The following JARID2 variants were observed in gnomAD, a reference collection of about 807,000 sequenced individuals.
JARID2 encodes the protein jumonji and AT-rich interaction domain containing 2, also known as protein Jumonji.
JARID2 carries 21 observed loss-of-function variants against 125.6 expected under a neutral mutation model. That is an observed-to-expected ratio of 0.17 (90% confidence interval 0.12 to 0.24). JARID2 has a LOEUF of 0.24. Ranked by LOEUF, JARID2 falls within the 10% of genes least tolerant of loss-of-function variation. The pLI is 1.00. For missense variants in JARID2, 1,303 were observed against 1,639.6 expected (o/e 0.79, Z 3.55); for synonymous variants, 736 against 661.6 (o/e 1.11, Z -1.73).
chr6:15,391,546 G>A (rs1226145730), intron 2 of JARID2, among the ~76,000 whole-genome samples: 5 of 152,152 alleles, frequency 3.3e-5, no homozygotes, highest in African/African-American at 1.2e-4. Flanking sequence ...AAATTCTTAA[G>A]GCCTATCTAT....
chr6:15,402,160 T>C (rs1007981174), intron 2 of JARID2, among the ~76,000 whole-genome samples: 5 of 152,202 alleles, frequency 3.3e-5, no homozygotes, highest in Non-Finnish European at 7.3e-5. Context: ...CTACAAATTA[T>C]GGTGTCAGTC....
intron 2 of JARID2, among the ~76,000 whole-genome samples, chr6:15,389,509 G>C (rs1313624801): frequency 6.6e-6 from 1 of 152,230 alleles, no homozygotes; most frequent in Non-Finnish European, 1.5e-5. Context: ...AATGCATCTA[G>C]AGTGATCTGT....
chr6:15,513,253 G>A lies in JARID2; in HGVS notation c.3281G>A (p.Arg1094Gln), dbSNP rs201376199. 2.7e-5 allele frequency: 43 copies of A among 1,569,548 alleles called. No individual in the cohort carries two copies. Among genetic ancestry groups the A allele is most frequent in the East Asian group, 9.2e-5 (4 of 43,272 alleles). Residue 1094 changes from arginine to glutamine, a missense_variant, in exon 16 of 18, where the codon CGG (arginine) becomes CAG (glutamine). Arg to Gln is a conservative substitution (Grantham distance 43). Transcript: ENST00000341776. ...GTGTCTGGCAGGGATACAGAGCTGC[G>A]GCAGCGCAGGCAGCTGTTCGAGGCT... ...LLDELRDTEL[R>Q]QRRQLFEAGL... is the part of the protein sequence containing the mutation.
At chr6:15,307,371 C>A (rs947874164) in intron 1 of JARID2, among the ~76,000 whole-genome samples, 2 of 152,036 alleles carry the variant, frequency 1.3e-5, no homozygotes, top group East Asian at 1.9e-4. Flanking sequence ...CACAGGCATA[C>A]GGCACCATTT....
intron 2 of JARID2, among the ~76,000 whole-genome samples, chr6:15,394,926 C>T (rs1267970382): frequency 2.5e-5 from 3 of 118,742 alleles, no homozygotes; most frequent in African/African-American, 3.5e-5. Context: ...AGGAAACCGA[C>T]GTAGAATAAT....
chr6:15,497,182 C>G lies in JARID2; in HGVS notation c.1945+12C>G. 1.3e-6 allele frequency: 2 copies of G among 1,528,084 alleles called. No individual in the cohort carries two copies. Among genetic ancestry groups the G allele is most frequent in the Non-Finnish European group, 1.8e-6 (2 of 1,132,940 alleles). 94.7% of individuals were successfully genotyped at this position (1,528,084 alleles called of 1,614,324 possible). A position where few individuals can be genotyped will look rare whatever the true frequency, so the allele number is the denominator to read the frequency against. On this transcript the variant is annotated intron_variant, in intron 7 of 17. Coordinates refer to ENST00000341776, the MANE Select transcript of JARID2 (RefSeq NM_004973.4). The stretch of plus-strand genomic sequence containing the variant: ...GCTCCCGCTCATAGGTAGGTCTGGG[C>G]GGGGGGTCAGGGGGTGGTGCCTGCC...
At chr6:15,413,000 G>GTTTTTTTTT (rs1561845196) in intron 3 of JARID2, among the ~76,000 whole-genome samples, 9 of 65,050 alleles carry the variant, frequency 1.4e-4, no homozygotes, top group African/African-American at 5.4e-4. Context: ...GGAAGAGCTT[G>GTTTTTTTTT]TGTTTTTGTT....
intron 17 of JARID2, among the ~76,000 whole-genome samples, chr6:15,518,923 C>G (rs1303118614): frequency 1.3e-5 from 2 of 152,228 alleles, no homozygotes; most frequent in African/African-American, 4.8e-5. Flanking sequence ...CCCACCCTTG[C>G]TGGGGTGGGG....
intron 16 of JARID2, among the ~76,000 whole-genome samples, chr6:15,515,160 C>G (rs1313310915): frequency 6.6e-6 from 1 of 152,100 alleles, no homozygotes; most frequent in Non-Finnish European, 1.5e-5. Flanking sequence ...CCACCTCAGC[C>G]TCCTGAGTAG....
intron 1 of JARID2, among the ~76,000 whole-genome samples, chr6:15,263,860 T>G (rs1759978664): frequency 6.6e-6 from 1 of 152,212 alleles, no homozygotes; most frequent in Non-Finnish European, 1.5e-5. Context: ...CCCAAAATGC[T>G]GGGATTACAG....
At chr6:15,510,701 C>G (rs1403410598) in intron 12 of JARID2, among the ~76,000 whole-genome samples, 1 of 152,228 alleles carries the variant, frequency 6.6e-6, no homozygotes, top group Admixed American at 6.5e-5. Flanking sequence ...CTGGGGGCCC[C>G]TAGCTATCCC....
intron 5 of JARID2, among the ~76,000 whole-genome samples, chr6:15,475,880 A>T (rs1769318501): frequency 6.6e-6 from 1 of 152,188 alleles, no homozygotes; most frequent in Admixed American, 6.5e-5. Context: ...CACAGGTCTT[A>T]AAATAGGTTT....
chr6:15,459,494 G>A (rs553713908), intron 4 of JARID2, among the ~76,000 whole-genome samples: 1 of 152,234 alleles, frequency 6.6e-6, no homozygotes, highest in African/African-American at 2.4e-5. Flanking sequence ...GTTTTTGATC[G>A]ACAGTTGGTT....
At chr6:15,333,079 C>T (rs924147622) in intron 1 of JARID2, among the ~76,000 whole-genome samples, 3 of 151,452 alleles carry the variant, frequency 2.0e-5, no homozygotes, top group Non-Finnish European at 4.4e-5. Flanking sequence ...ACTACAGGCG[C>T]CCACCACCAG....
chr6:15,311,170 A>C (rs1761998472), intron 1 of JARID2, among the ~76,000 whole-genome samples: 2 of 151,052 alleles, frequency 1.3e-5, no homozygotes, highest in Admixed American at 1.3e-4. Context: ...TAGAGGATTC[A>C]TATCACCCTT....
chr6:15,322,869 T>C (rs373501104), intron 1 of JARID2, among the ~76,000 whole-genome samples: 3 of 152,294 alleles, frequency 2.0e-5, no homozygotes, highest in African/African-American at 7.2e-5. Flanking sequence ...AATAAAACTT[T>C]CCCCTTGATT....
chr6:15,341,309 A>G (rs1436566760), intron 1 of JARID2, among the ~76,000 whole-genome samples: 1 of 151,982 alleles, frequency 6.6e-6, no homozygotes, highest in Non-Finnish European at 1.5e-5. Flanking sequence ...TCCACATTTG[A>G]GTGGAAGATA....
At chr6:15,433,933 TGTGTGTGTGTGTGTG>T (rs1767086974) in intron 3 of JARID2, among the ~76,000 whole-genome samples, 1 of 91,650 alleles carries the variant, frequency 1.1e-5, no homozygotes, top group East Asian at 2.6e-4. Flanking sequence ...TGTGTGTGTG[TGTGTGTGTGTGTGTG>T]TGTGTGTGTG....
chr6:15,382,513 G>T (rs1764630058), intron 2 of JARID2, among the ~76,000 whole-genome samples: 1 of 152,202 alleles, frequency 6.6e-6, no homozygotes, highest in Non-Finnish European at 1.5e-5. Context: ...GGTTTCCGTG[G>T]CCAAGTCACT....
Sources: gnomAD v4.1 joint callset for allele counts (sites outside exome capture counted in the v4.1 genomes callset) on GRCh38, gnomAD v4.1.1 for gene constraint, MANE v1.5 for transcripts, NCBI Gene and HGNC (gene_info 2026-07-23, HGNC 2026-07-21) for gene names.